The following REDIC1 variants were observed in gnomAD, a reference collection of about 807,000 sequenced individuals.
REDIC1 encodes HEI10 Interacting Protein 1.
the REDIC1 span, among the ~76,000 whole-genome samples, chr12:39,786,260 C>A: frequency 6.6e-6 from 1 of 152,048 alleles, no homozygotes; most frequent in African/African-American, 2.4e-5. Context: ...ATGCTATCCT[C>A]GTGATAGCGA....
the REDIC1 span, among the ~76,000 whole-genome samples, chr12:39,903,511 G>A: frequency 6.6e-6 from 1 of 152,154 alleles, no homozygotes; most frequent in Non-Finnish European, 1.5e-5. Context: ...TTTGGGAAGA[G>A]TGAGGGAAGC....
At chr12:39,810,581 T>C in the REDIC1 span, among the ~76,000 whole-genome samples, 1 of 152,178 alleles carries the variant, frequency 6.6e-6, no homozygotes, top group Non-Finnish European at 1.5e-5. Context: ...AATAATATTT[T>C]GCTATTAAGT....
chr12:39,689,625 A>G, the REDIC1 span, among the ~76,000 whole-genome samples: 4 of 152,146 alleles, frequency 2.6e-5, no homozygotes, highest in African/African-American at 9.7e-5. Flanking sequence ...GAGAAGGCAC[A>G]TTTCAGGTTG....
the REDIC1 span, among the ~76,000 whole-genome samples, chr12:39,900,875 C>T: frequency 3.9e-5 from 6 of 152,074 alleles, no homozygotes; most frequent in Non-Finnish European, 7.4e-5. Context: ...GATCCCGCAT[C>T]GCCAAGTCAA....
At chr12:39,896,336 GTATACATATATGTATGTATA>G in the REDIC1 span, among the ~76,000 whole-genome samples, 1 of 134,018 alleles carries the variant, frequency 7.5e-6, no homozygotes, top group African/African-American at 2.8e-5. Context: ...GTGTATATAT[GTATACATATATGTATGTATA>G]TGTGTATATA....
chr12:39,877,503 G>A, the REDIC1 span, among the ~76,000 whole-genome samples: 16 of 152,258 alleles, frequency 1.1e-4, no homozygotes, highest in East Asian at 3.9e-4. Context: ...CAGCCAAACC[G>A]TATCAATAAC....
At chr12:39,752,384 C>T in the REDIC1 span, among the ~76,000 whole-genome samples, 5 of 152,170 alleles carry the variant, frequency 3.3e-5, no homozygotes, top group East Asian at 1.9e-4. Context: ...TGATCTGGGG[C>T]GGAACAGTTT....
At chr12:39,845,715 C>G in the REDIC1 span, among the ~76,000 whole-genome samples, 1 of 152,114 alleles carries the variant, frequency 6.6e-6, no homozygotes, top group Non-Finnish European at 1.5e-5. Flanking sequence ...GCCAGCAACT[C>G]TGTGTAATCA....
At chr12:39,685,300 A>G in the REDIC1 span, among the ~76,000 whole-genome samples, 1 of 152,208 alleles carries the variant, frequency 6.6e-6, no homozygotes, top group East Asian at 1.9e-4. Context: ...CTGTACAGGA[A>G]GCATGATGCT....
chr12:39,658,267 TAGA>T, the REDIC1 span, among the ~76,000 whole-genome samples: 1 of 152,034 alleles, frequency 6.6e-6, no homozygotes, highest in African/African-American at 2.4e-5. Context: ...ATATTTTTAG[TAGA>T]GTTGGGGTTT....
the REDIC1 span, among the ~76,000 whole-genome samples, chr12:39,716,517 C>T: frequency 1.7e-4 from 26 of 151,976 alleles, 1 homozygote; most frequent in African/African-American, 4.3e-4. Context: ...TCTTCACTTA[C>T]GTTATATACC....
the REDIC1 span, among the ~76,000 whole-genome samples, chr12:39,751,302 CTCA>C: frequency 2.0e-5 from 3 of 152,172 alleles, no homozygotes; most frequent in Non-Finnish European, 2.9e-5. Flanking sequence ...TGAAAAAATG[CTCA>C]TCATCACTGG....
At chr12:39,727,338 G>A in the REDIC1 span, among the ~76,000 whole-genome samples, 3 of 152,046 alleles carry the variant, frequency 2.0e-5, no homozygotes, top group South Asian at 4.2e-4. Flanking sequence ...TAAGGTGTAA[G>A]GAAGGGGTCC....
At chr12:39,634,365 C>T in the REDIC1 span, among the ~76,000 whole-genome samples, 26 of 152,150 alleles carry the variant, frequency 1.7e-4, no homozygotes, top group African/African-American at 4.3e-4. Flanking sequence ...GGAGGCATCA[C>T]GCTGCCTGAC....
At chr12:39,720,184 ATATGTATTGCT>A in the REDIC1 span, among the ~76,000 whole-genome samples, 5 of 151,894 alleles carry the variant, frequency 3.3e-5, no homozygotes, top group Non-Finnish European at 7.4e-5. Flanking sequence ...AACAGTTGAG[ATATGTATTGCT>A]TATGTATTGC....
the REDIC1 span, among the ~76,000 whole-genome samples, chr12:39,771,744 C>T: frequency 3.4e-3 from 520 of 152,238 alleles, 1 homozygote; most frequent in Non-Finnish European, 5.6e-3. Context: ...CCAAGTTAAG[C>T]GCCCTGACCA....
chr12:39,667,083 C>T, the REDIC1 span, among the ~76,000 whole-genome samples: 1 of 152,060 alleles, frequency 6.6e-6, no homozygotes. Flanking sequence ...CTGCTCTGAT[C>T]TTACTTATTT....
chr12:39,871,354 T>TC, the REDIC1 span, among the ~76,000 whole-genome samples: 16 of 150,418 alleles, frequency 1.1e-4, no homozygotes, highest in Non-Finnish European at 2.2e-4. Flanking sequence ...ATTACATGGT[T>TC]CTAATATTCC....
chr12:39,792,258 A>C, the REDIC1 span, among the ~76,000 whole-genome samples: 278 of 144,376 alleles, frequency 1.9e-3, 17 homozygotes, highest in South Asian at 0.062. Context: ...GTTAGACCTA[A>C]AACCATAAAA....
Sources: gnomAD v4.1 joint callset for allele counts (sites outside exome capture counted in the v4.1 genomes callset) on GRCh38, gnomAD v4.1.1 for gene constraint, MANE v1.5 for transcripts, NCBI Gene and HGNC (gene_info 2026-07-23, HGNC 2026-07-21) for gene names.